SLC24A3: variants seen among roughly 807,000 people sequenced by gnomAD.
SLC24A3 encodes the protein solute carrier family 24 member 3.
A neutral mutation model predicts 75.8 loss-of-function variants in SLC24A3; 28 were observed. That is an observed-to-expected ratio of 0.37 (90% CI 0.27 to 0.51). SLC24A3 has a LOEUF of 0.51. SLC24A3 is among the 20% of genes least tolerant of loss of function. The pLI is 0.94. For synonymous variants in SLC24A3, 372 were observed against 334.1 expected, an observed-to-expected ratio of 1.11 and a Z score of -1.24; for missense variants, 663 against 847.8, an observed-to-expected ratio of 0.78 and a Z score of 2.71.
At chr20:19,224,121 A>AGT (rs11470026) in intron 1 of SLC24A3, among the ~76,000 whole-genome samples, 11,397 of 149,228 alleles carry the variant, frequency 0.076, 1,097 homozygotes, top group African/African-American at 0.24. Flanking sequence ...TGAGTGTGTG[A>AGT]GTGTGTGTGT....
At chr20:19,354,187 G>A (rs6081578) in intron 2 of SLC24A3, among the ~76,000 whole-genome samples, 1 of 152,172 alleles carries the variant, frequency 6.6e-6, no homozygotes, top group East Asian at 1.9e-4. Flanking sequence ...CTATTCTTGA[G>A]CTGAAGCTGC....
chr20:19,596,392 G>A (rs777202409), intron 6 of SLC24A3, among the ~76,000 whole-genome samples: 4 of 152,202 alleles, frequency 2.6e-5, no homozygotes, highest in African/African-American at 4.8e-5. Flanking sequence ...GCCCTGAGCA[G>A]TATAAATTGA....
At chr20:19,361,225 G>A (rs1299296035) in intron 2 of SLC24A3, among the ~76,000 whole-genome samples, 2 of 152,168 alleles carry the variant, frequency 1.3e-5, no homozygotes, top group African/African-American at 4.8e-5. Context: ...CAATCCATCA[G>A]CACTGCACTA....
At chr20:19,679,553 G>GGGAGAGGGAGAGGGAGAC (rs2032584344) in intron 9 of SLC24A3, among the ~76,000 whole-genome samples, 1 of 147,816 alleles carries the variant, frequency 6.8e-6, no homozygotes, top group Non-Finnish European at 1.5e-5. Flanking sequence ...GAGAGGGAGA[G>GGGAGAGGGAGAGGGAGAC]GGAGAGGGAG....
chr20:19,697,026 G>A (rs1241745797), intron 14 of SLC24A3, 115 bp downstream of exon 14: 3 of 547,666 alleles, frequency 5.5e-6, no homozygotes, highest in Admixed American at 2.7e-5. Flanking sequence ...AAGGGAGGGA[G>A]AAGAGAAGGA....
intron 2 of SLC24A3, among the ~76,000 whole-genome samples, chr20:19,510,297 A>G (rs1988517773): frequency 6.6e-6 from 1 of 152,232 alleles, no homozygotes. Flanking sequence ...CTACCATGCT[A>G]GATTCAGAAT....
chr20:19,696,850 C>T lies in SLC24A3; in HGVS notation c.1545C>T (p.Thr515=). 1 of 1,613,954 alleles carries T rather than the reference C, an allele frequency of 6.2e-7. No homozygotes were observed. Among genetic ancestry groups the T allele is most frequent in the Non-Finnish European group, 8.5e-7 (1 of 1,179,960 alleles). ...LGIPDVIMGI[T]FLAAGTSVPD... ...TTCCTGACGTCATCATGGGGATCAC[C>T]TTCCTGGCTGCTGGGACCAGCGTGC... The change falls in exon 14 of 17, where the codon ACC becomes ACT. Residue 515 remains threonine (T), a synonymous_variant. Transcript: ENST00000328041.
chr20:19,437,168 T>C (rs1041412574), intron 2 of SLC24A3, among the ~76,000 whole-genome samples: 1 of 151,954 alleles, frequency 6.6e-6, no homozygotes, highest in African/African-American at 2.4e-5. Flanking sequence ...GTCGGTGATA[T>C]GGTTTGGCTC....
chr20:19,717,834 AT>A (rs982337338), intron 16 of SLC24A3, among the ~76,000 whole-genome samples: 2 of 152,122 alleles, frequency 1.3e-5, no homozygotes, highest in African/African-American at 4.8e-5. Flanking sequence ...AAAGCAAACC[AT>A]TTTCCCAAAC....
At position 19,681,847 on chromosome 20, in the gene SLC24A3, G is replaced by C; in HGVS notation, c.768-11G>C. 6.2e-7 allele frequency: 1 copy of C among 1,613,962 alleles called. No homozygotes were observed. The highest frequency in any genetic ancestry group is 8.5e-7 in the Non-Finnish European group (1 of 1,179,932). ...CACTGATGGACTCTGCCCACTTGTC[G>C]CTTTGCTCAGATATAACGCTTGCAT... On this transcript the variant is annotated splice_polypyrimidine_tract_variant and intron_variant, in intron 9 of 16. Transcript: ENST00000328041.
chr20:19,433,851 C>A (rs1051415634), intron 2 of SLC24A3, among the ~76,000 whole-genome samples: 1 of 152,148 alleles, frequency 6.6e-6, no homozygotes, highest in Non-Finnish European at 1.5e-5. Context: ...AGGTTCTTTT[C>A]TTTTCTCACT....
At chr20:19,296,203 AT>A (rs1025768119) in intron 2 of SLC24A3, among the ~76,000 whole-genome samples, 24 of 146,888 alleles carry the variant, frequency 1.6e-4, no homozygotes, top group Admixed American at 1.5e-3. Flanking sequence ...CAGTGGTGAT[AT>A]CCCCATTATC....
chr20:19,238,841 A>G (rs1478985988), intron 1 of SLC24A3, among the ~76,000 whole-genome samples: 4 of 152,142 alleles, frequency 2.6e-5, no homozygotes. Context: ...AATGACGACA[A>G]TGATCATCAG....
At chr20:19,215,268 A>G (rs1216953691) in intron 1 of SLC24A3, among the ~76,000 whole-genome samples, 4 of 152,172 alleles carry the variant, frequency 2.6e-5, no homozygotes, top group African/African-American at 4.8e-5. Context: ...TGAAGTTTGG[A>G]ATGGAGCATT....
intron 1 of SLC24A3, among the ~76,000 whole-genome samples, chr20:19,248,845 T>C (rs1312474078): frequency 6.6e-6 from 1 of 151,406 alleles, no homozygotes; most frequent in Non-Finnish European, 1.5e-5. Flanking sequence ...TGTGACAACA[T>C]GGATGAACCT....
At chr20:19,323,205 C>CAAAAAA (rs1172583632) in intron 2 of SLC24A3, among the ~76,000 whole-genome samples, 5 of 60,944 alleles carry the variant, frequency 8.2e-5, no homozygotes, top group Admixed American at 1.8e-4. Context: ...GACTCCGTCT[C>CAAAAAA]AAAAAAAAAA....
intron 1 of SLC24A3, among the ~76,000 whole-genome samples, chr20:19,249,268 G>A (rs180787588): frequency 1.3e-5 from 2 of 152,234 alleles, no homozygotes; most frequent in East Asian, 3.9e-4. Flanking sequence ...GATGTGGAGT[G>A]AGTATCTTTC....
At chr20:19,236,589 A>C (rs935174861) in intron 1 of SLC24A3, among the ~76,000 whole-genome samples, 2 of 151,784 alleles carry the variant, frequency 1.3e-5, no homozygotes, top group East Asian at 3.9e-4. Context: ...GCAACTCTGC[A>C]AAAAAAATAT....
intron 1 of SLC24A3, among the ~76,000 whole-genome samples, chr20:19,254,514 C>T (rs558866020): frequency 2.0e-5 from 3 of 152,330 alleles, no homozygotes; most frequent in African/African-American, 7.2e-5. Context: ...TCCTCAGCAA[C>T]AAACTCAGCA....
Sources: allele counts gnomAD v4.1 joint callset (sites outside exome capture counted in the v4.1 genomes callset), GRCh38; gene constraint gnomAD v4.1.1; transcripts MANE v1.5; gene names NCBI Gene and HGNC (gene_info 2026-07-23, HGNC 2026-07-21).